CD109: variants seen among roughly 807,000 people sequenced by gnomAD.
CD109 encodes CD109 molecule.
In CD109, 149 loss-of-function variants were observed where a neutral mutation model predicts 165.8. That is an observed-to-expected ratio of 0.90 (90% confidence interval 0.79 to 1.03). CD109 has a LOEUF of 1.03. CD109 is among the 50% of genes least tolerant of loss of function. CD109 has a pLI of 0.00. For synonymous variants in CD109, 585 were observed against 592.1 expected (o/e 0.99, Z 0.18); for missense variants, 1,712 against 1,677.8 (o/e 1.02, Z -0.36).
chr6:73,775,839 A>G (rs1431217627), intron 15 of CD109, among the ~76,000 whole-genome samples: 1 of 152,180 alleles, frequency 6.6e-6, no homozygotes, highest in Non-Finnish European at 1.5e-5. Context: ...TGTACCTGCA[A>G]AGGAGATGAT....
chr6:73,696,331 C>T (rs949619377), intron 1 of CD109, 42 bp downstream of exon 1: 2 of 1,378,592 alleles, frequency 1.5e-6, no homozygotes, highest in South Asian at 1.7e-5. Flanking sequence ...GCGCGCGGGC[C>T]TGGGCCGCTC....
intron 23 of CD109, among the ~76,000 whole-genome samples, chr6:73,802,289 G>GTGTGTGTGTATATATATATA (rs71542231): frequency 1.3e-5 from 1 of 78,202 alleles, no homozygotes; most frequent in African/African-American, 6.0e-5. Flanking sequence ...GTGTGTGTGT[G>GTGTGTGTGTATATATATATA]TATATATATA....
In CD109 at chr6:73,736,484, C is replaced by T. The variant is rs964647217; in HGVS notation, c.609C>T (p.Asp203=). 1.5e-5 allele frequency: 24 copies of T among 1,612,736 alleles called. No homozygotes were observed. The highest frequency in any genetic ancestry group is 1.0e-4 in the Admixed American group (6 of 59,800). ...TATCTTCCCATCCAATACTTGGTGA[C>T]TGGTCTATTCAAGTTCAAGTGAATG... is the stretch of plus-strand genomic sequence containing the variant. ...FQLSSHPILG[D]WSIQVQVNDQ... is the part of the protein sequence containing the mutation. Residue 203 remains aspartate, a synonymous_variant, in exon 5 of 33, where the codon GAC becomes GAT. Transcript: ENST00000287097.
intron 6 of CD109, 24 bp from the exon 7 acceptor site, chr6:73,758,919 AT>A: frequency 7.6e-7 from 1 of 1,322,408 alleles, no homozygotes; most frequent in Non-Finnish European, 1.1e-6. Context: ...AGAAAAAAAG[AT>A]TTACCCTTGC....
At chr6:73,739,717 G>A (rs1260863104) in intron 5 of CD109, among the ~76,000 whole-genome samples, 3 of 151,942 alleles carry the variant, frequency 2.0e-5, no homozygotes, top group African/African-American at 7.3e-5. Flanking sequence ...GTGTGGTGGC[G>A]GGCGCCTGTA....
chr6:73,726,432 T>C (rs948476174), intron 3 of CD109, among the ~76,000 whole-genome samples: 1 of 152,232 alleles, frequency 6.6e-6, no homozygotes, highest in African/African-American at 2.4e-5. Flanking sequence ...AATGTGTAAG[T>C]ATAATTACTA....
intron 23 of CD109, among the ~76,000 whole-genome samples, chr6:73,802,056 A>C (rs894242512): frequency 6.6e-6 from 1 of 152,084 alleles, no homozygotes; most frequent in African/African-American, 2.4e-5. Context: ...AGTTTGGCCT[A>C]TGTTTTCTCA....
the CD109 span, among the ~76,000 whole-genome samples, chr6:73,685,592 G>A: frequency 3.9e-5 from 6 of 152,050 alleles, no homozygotes; most frequent in East Asian, 3.9e-4. Context: ...GGGTACAGGC[G>A]GTTTTTGGTC....
chr6:73,736,098 A>G (rs961423776), intron 4 of CD109, among the ~76,000 whole-genome samples: 3 of 152,174 alleles, frequency 2.0e-5, no homozygotes, highest in South Asian at 4.1e-4. Context: ...TATAGAGCCT[A>G]CGTTTTCCAA....
At chr6:73,739,511 C>G (rs1357615662) in intron 5 of CD109, among the ~76,000 whole-genome samples, 1 of 152,046 alleles carries the variant, frequency 6.6e-6, no homozygotes, top group African/African-American at 2.4e-5. Flanking sequence ...CGGTGGCAGT[C>G]ACCATTCTCA....
intron 5 of CD109, among the ~76,000 whole-genome samples, chr6:73,747,522 C>T (rs564780073): frequency 6.6e-6 from 1 of 152,138 alleles, no homozygotes; most frequent in Admixed American, 6.5e-5. Flanking sequence ...GGAAGTTCAC[C>T]CGAAGGCATG....
chr6:73,730,244 G>T, intron 3 of CD109, 100 bp from the exon 4 acceptor site: 1 of 761,606 alleles, frequency 1.3e-6, no homozygotes, highest in East Asian at 2.6e-5. Context: ...AGTTACTTTT[G>T]ATAATACTGT....
At chr6:73,753,006 A>G (rs557848687) in intron 5 of CD109, among the ~76,000 whole-genome samples, 8 of 152,340 alleles carry the variant, frequency 5.3e-5, no homozygotes, top group African/African-American at 1.9e-4. Context: ...CCTAGAACGA[A>G]CACTGAACAA....
intron 2 of CD109, among the ~76,000 whole-genome samples, chr6:73,705,163 C>G (rs554899425): frequency 1.3e-5 from 2 of 152,152 alleles, no homozygotes; most frequent in South Asian, 2.1e-4. Flanking sequence ...GGGGAGACAT[C>G]CAGGTGGAGA....
chr6:73,735,643 A>G (rs1277302641), intron 4 of CD109, among the ~76,000 whole-genome samples: 1 of 152,196 alleles, frequency 6.6e-6, no homozygotes, highest in Non-Finnish European at 1.5e-5. Flanking sequence ...TTCCATGTAT[A>G]TCCGTGATTA....
Position 73,814,978 on chromosome 6 carries a change from C to T in CD109, c.3769-3C>T, listed in dbSNP as rs1462291491. The T allele has an allele frequency of 1.4e-6, 2 of 1,477,716 alleles. No homozygotes were observed. Among genetic ancestry groups the T allele is most frequent in the East Asian group, 5.2e-5 (2 of 38,212 alleles). 91.5% of individuals were successfully genotyped at this position (1,477,716 alleles called of 1,614,324 possible). A position where few individuals can be genotyped will look rare whatever the true frequency, so the allele number is the denominator to read the frequency against. On this transcript the variant is annotated splice_region_variant and splice_polypyrimidine_tract_variant and intron_variant, in intron 29 of 32. Coordinates refer to ENST00000287097, the MANE Select transcript of CD109 (RefSeq NM_133493.5). ...GTTATTTATGCTAGTTTATTTTTTA[C>T]AGCTCAATGTTGTATATAATGTGAA...
At chr6:73,739,229 T>C (rs936002339) in intron 5 of CD109, among the ~76,000 whole-genome samples, 9 of 152,200 alleles carry the variant, frequency 5.9e-5, no homozygotes. Flanking sequence ...TTGAGGTATG[T>C]TAATTTGAGG....
rs1776330112 is a variant in CD109 at position 73,828,273 on chromosome 6, G to GA, written c.*4644dup. 1 of 152,908 alleles carries GA rather than the reference G, an allele frequency of 6.5e-6. No individual in the cohort carries two copies. Among genetic ancestry groups the GA allele is most frequent in the Non-Finnish European group, 1.5e-5 (1 of 68,172 alleles). 9.5% of individuals were successfully genotyped at this position (152,908 alleles called of 1,614,324 possible). A position where few individuals can be genotyped will look rare whatever the true frequency, so the allele number is the denominator to read the frequency against. ...ATTGTACTTTATTATGTATTCAATAGAAAATCATGATTTATTAATAAAAGC... is the reference window on the plus strand; with the variant it reads ...ATTGTACTTTATTATGTATTCAATAGAAAAATCATGATTTATTAATAAAAGC... On this transcript the variant is annotated 3_prime_UTR_variant, in exon 33 of 33. Transcript: ENST00000287097.
intron 5 of CD109, among the ~76,000 whole-genome samples, chr6:73,746,312 C>T (rs114709397): frequency 0.044 from 6,695 of 152,140 alleles, 520 homozygotes; most frequent in African/African-American, 0.15. Context: ...GGGAAGGGGG[C>T]ACTGAAATGA....
Sources: gnomAD v4.1 joint callset for allele counts (sites outside exome capture counted in the v4.1 genomes callset) on GRCh38, gnomAD v4.1.1 for gene constraint, MANE v1.5 for transcripts, NCBI Gene and HGNC (gene_info 2026-07-23, HGNC 2026-07-21) for gene names.